Variants in PCDHA2 observed in about 807,000 individuals in gnomAD.
The protein encoded by PCDHA2 is protocadherin alpha 2, also known as protocadherin alpha-2.
Under a neutral mutation model 66.0 loss-of-function variants are expected in PCDHA2, and 58 were observed. The ratio of observed to expected loss-of-function variants is 0.88; its 90% CI spans 0.71 to 1.09. PCDHA2 has a LOEUF of 1.09. Among genes scored for constraint, PCDHA2 ranks in the 50% least tolerant of loss-of-function variants. The pLI is 0.00. For synonymous variants in PCDHA2, 634 were observed against 554.0 expected, an observed-to-expected ratio of 1.14 and a Z score of -2.03; for missense variants, 1,267 against 1,242.3, an observed-to-expected ratio of 1.02 and a Z score of -0.30.
intron 1 of PCDHA2, among the ~76,000 whole-genome samples, chr5:140,977,323 G>A (rs542392962): frequency 1.3e-5 from 2 of 152,324 alleles, no homozygotes; most frequent in Non-Finnish European, 1.5e-5. Context: ...GCTCCTGATG[G>A]CGAGGGGAGA....
Position 140,949,948 on chromosome 5 carries a change from G to T in PCDHA2, c.2389-29001G>T, listed in dbSNP as rs2094436034. Among the ~76,000 whole-genome samples the T allele has an allele frequency of 2.0e-5, 3 of 151,288 alleles. No individual in the cohort carries two copies. In the South Asian group the frequency reaches 6.2e-4, roughly 31 times the overall value. On this transcript the variant is annotated intron_variant, in intron 1 of 3. Coordinates refer to ENST00000526136, the MANE Select transcript of PCDHA2 (RefSeq NM_018905.3). ...GATTTTTTTTAATTTGCATTTTTTA[G>T]TGGTTGCTGTAAGGATTACAGCATA...
chr5:140,804,026 C>T (rs907575728), intron 1 of PCDHA2: 7 of 196,024 alleles, frequency 3.6e-5, no homozygotes, highest in Admixed American at 2.2e-4. Flanking sequence ...TTTATGAGTT[C>T]ACCTAATGCT....
chr5:140,843,800 C>T (rs2150366866), intron 1 of PCDHA2: 5 of 1,342,480 alleles, frequency 3.7e-6, no homozygotes, highest in East Asian at 2.3e-5. Context: ...TAGTTTTTCA[C>T]CGTATTTTAT....
At chr5:140,883,459 G>A in intron 1 of PCDHA2, 1 of 1,614,132 alleles carries the variant, frequency 6.2e-7, no homozygotes, top group Non-Finnish European at 8.5e-7. Context: ...CCTTCAAGCT[G>A]GTGTCCACCT....
At chr5:140,875,236 C>G (rs2055366681) in intron 1 of PCDHA2, 2 of 889,228 alleles carry the variant, frequency 2.2e-6, no homozygotes, top group East Asian at 2.9e-5. Context: ...CTTTCTTGTA[C>G]TTACATAATC....
At chr5:140,966,707 A>T in intron 1 of PCDHA2, 2 of 1,379,868 alleles carry the variant, frequency 1.4e-6, no homozygotes, top group Non-Finnish European at 9.3e-7. Flanking sequence ...GGCGTGGGGC[A>T]CGGCTGGGGA....
At chr5:140,886,827 GAAAA>G (rs782016620) in intron 1 of PCDHA2, among the ~76,000 whole-genome samples, 16 of 60,888 alleles carry the variant, frequency 2.6e-4, no homozygotes, top group Non-Finnish European at 3.3e-4. Flanking sequence ...ACTTCGTCTT[GAAAA>G]AAAAAAAAAA....
chr5:140,878,274 C>G (rs1273765492), intron 1 of PCDHA2, among the ~76,000 whole-genome samples: 3 of 152,092 alleles, frequency 2.0e-5, no homozygotes, highest in Non-Finnish European at 1.5e-5. Flanking sequence ...TTTAAAATAG[C>G]CTTCTTGATC....
intron 1 of PCDHA2, among the ~76,000 whole-genome samples, chr5:140,972,686 AT>A (rs2096549556): frequency 8.3e-6 from 1 of 120,944 alleles, no homozygotes; most frequent in African/African-American, 3.2e-5. Context: ...TTTTTTTGAG[AT>A]GGAGTCTCAC....
At chr5:140,952,529 G>A (rs1404753711) in intron 1 of PCDHA2, among the ~76,000 whole-genome samples, 1 of 152,084 alleles carries the variant, frequency 6.6e-6, no homozygotes, top group East Asian at 1.9e-4. Context: ...GACCTCCTCA[G>A]ACTGGACTTC....
At chr5:140,969,249 ACAG>A in intron 1 of PCDHA2, 1 of 1,614,240 alleles carries the variant, frequency 6.2e-7, no homozygotes, top group Non-Finnish European at 8.5e-7. Flanking sequence ...GCAGTGACTG[ACAG>A]CAGGAATCTC....
rs892863974 is a variant in PCDHA2, at chr5:140,802,917, G to T, written c.2388+5565G>T. 2.5e-6 allele frequency: 4 copies of T among 1,613,786 alleles called. No individual in the cohort carries two copies. The Admixed American group carries it at 5.0e-5, about 20-fold the overall frequency. On this transcript the variant is annotated intron_variant, in intron 1 of 3. Coordinates refer to ENST00000526136, the MANE Select transcript of PCDHA2 (RefSeq NM_018905.3). ...GCTGATGCCTCGGGTGGGTGGCATC[G>T]GTGGCGCAGTGAGCGAGCTGGTGCC...
intron 2 of PCDHA2, among the ~76,000 whole-genome samples, chr5:140,981,337 G>A (rs2096927522): frequency 6.6e-6 from 1 of 152,146 alleles, no homozygotes; most frequent in African/African-American, 2.4e-5. Context: ...ACTTTGGGAG[G>A]GTGAGGCAGG....
At chr5:140,803,064 C>T in intron 1 of PCDHA2, 2 of 1,613,978 alleles carry the variant, frequency 1.2e-6, no homozygotes, top group Non-Finnish European at 1.7e-6. Context: ...CATCCCGTTT[C>T]GCGTGGGGCT....
At chr5:140,821,900 C>T (rs2150111777) in intron 1 of PCDHA2, 2 of 1,614,206 alleles carry the variant, frequency 1.2e-6, no homozygotes, top group South Asian at 1.1e-5. Flanking sequence ...AAACACGGAA[C>T]CTTCGTTGGC....
intron 1 of PCDHA2, chr5:140,850,108 G>C (rs2150467680): frequency 6.3e-7 from 1 of 1,596,108 alleles, no homozygotes; most frequent in East Asian, 2.2e-5. Context: ...GTGAGCGCGC[G>C]CGACGCGGGC....
intron 1 of PCDHA2, chr5:140,829,458 C>T (rs2150168320): frequency 1.2e-6 from 2 of 1,613,890 alleles, no homozygotes; most frequent in Admixed American, 3.3e-5. Flanking sequence ...CCGGCGTTCG[C>T]GCAGCCCGAG....
intron 3 of PCDHA2, among the ~76,000 whole-genome samples, chr5:140,991,146 G>A (rs2097434554): frequency 6.6e-6 from 1 of 151,978 alleles, no homozygotes; most frequent in African/African-American, 2.4e-5. Context: ...AATGTTTTTT[G>A]CTCACCATTG....
At chr5:141,007,573 T>G (rs2153992759) in intron 3 of PCDHA2, among the ~76,000 whole-genome samples, 1 of 151,796 alleles carries the variant, frequency 6.6e-6, no homozygotes, top group African/African-American at 2.4e-5. Context: ...ATCTCAAATT[T>G]AAAAAATAAT....
Sources: allele counts gnomAD v4.1 joint callset (sites outside exome capture counted in the v4.1 genomes callset), GRCh38; gene constraint gnomAD v4.1.1; transcripts MANE v1.5; gene names NCBI Gene and HGNC (gene_info 2026-07-23, HGNC 2026-07-21).